GAS2: variants seen among roughly 807,000 people sequenced by gnomAD.
The protein encoded by GAS2 is growth arrest-specific protein 2.
A neutral mutation model predicts 37.5 loss-of-function variants in GAS2; 20 were observed. The observed-to-expected ratio is 0.53, with a 90% CI of 0.37 to 0.77. The LOEUF is 0.77. Ranked by LOEUF, GAS2 falls within the 30% of genes least tolerant of loss-of-function variation. The pLI is 0.00. For missense variants in GAS2, 336 were observed against 373.4 expected (o/e 0.90, Z 0.82); for synonymous variants, 144 against 132.2 (o/e 1.09, Z -0.61).
At chr11:22,703,905 G>C (rs1850971085) in intron 3 of GAS2, among the ~76,000 whole-genome samples, 1 of 152,034 alleles carries the variant, frequency 6.6e-6, no homozygotes, top group South Asian at 2.1e-4. Flanking sequence ...ACCAGTGTAG[G>C]CTGCTTGTCT....
intron 3 of GAS2, among the ~76,000 whole-genome samples, chr11:22,721,056 A>C (rs1036093557): frequency 1.3e-5 from 2 of 152,036 alleles, no homozygotes; most frequent in African/African-American, 4.8e-5. Context: ...AACTGTGCAT[A>C]AGCTCAGTTT....
chr11:22,672,611 A>C (rs1362936090), intron 1 of GAS2: 1 of 152,192 alleles, frequency 6.6e-6, no homozygotes, highest in Non-Finnish European at 1.5e-5. Flanking sequence ...GAACAGCCAC[A>C]TCTCACTTTC....
At chr11:22,628,498 T>C in intron 1 of GAS2, among the ~76,000 whole-genome samples, 1 of 152,358 alleles carries the variant, frequency 6.6e-6, no homozygotes, top group East Asian at 1.9e-4. Flanking sequence ...TACAGTAAAT[T>C]GGGAAAGAAA....
At chr11:22,683,189 A>C (rs1849779371) in intron 2 of GAS2, among the ~76,000 whole-genome samples, 1 of 152,122 alleles carries the variant, frequency 6.6e-6, no homozygotes, top group South Asian at 2.1e-4. Flanking sequence ...TTTTAAGCAG[A>C]TGTTTCTTGA....
intron 1 of GAS2, among the ~76,000 whole-genome samples, chr11:22,645,931 C>T (rs1336542407): frequency 6.6e-6 from 1 of 151,238 alleles, no homozygotes; most frequent in South Asian, 2.1e-4. Flanking sequence ...GCAACCTCCG[C>T]CTCCCAAGTT....
chr11:22,742,559 C>T (rs1853146109), intron 5 of GAS2, among the ~76,000 whole-genome samples: 1 of 152,126 alleles, frequency 6.6e-6, no homozygotes, highest in African/African-American at 2.4e-5. Flanking sequence ...GACTGGCTGA[C>T]TGTACCTTAG....
intron 5 of GAS2, among the ~76,000 whole-genome samples, chr11:22,744,929 G>A (rs1273288166): frequency 1.3e-5 from 2 of 151,780 alleles, no homozygotes; most frequent in South Asian, 2.1e-4. Context: ...AGAAGTGAAA[G>A]ATCTCTACAA....
intron 1 of GAS2, among the ~76,000 whole-genome samples, chr11:22,642,525 C>T (rs1042805333): frequency 5.3e-5 from 8 of 151,962 alleles, no homozygotes; most frequent in Non-Finnish European, 7.4e-5. Context: ...TACTGTCATT[C>T]CTCACACTCT....
chr11:22,682,888 G>GAAAAAAAAAAAAAAAAAAAA (rs57025584), intron 2 of GAS2, among the ~76,000 whole-genome samples: 5 of 102,352 alleles, frequency 4.9e-5, no homozygotes, highest in South Asian at 3.0e-4. Context: ...AAAAAAAAAG[G>GAAAAAAAAAAAAAAAAAAAA]AAAAAAAAAA....
intron 1 of GAS2, among the ~76,000 whole-genome samples, chr11:22,650,140 A>G (rs1317880528): frequency 1.3e-5 from 2 of 151,916 alleles, no homozygotes; most frequent in African/African-American, 4.8e-5. Flanking sequence ...TTGGTTTCAA[A>G]GAACATCTTT....
chr11:22,734,449 A>G (rs188036439), intron 4 of GAS2, among the ~76,000 whole-genome samples: 317 of 151,816 alleles, frequency 2.1e-3, no homozygotes, highest in African/African-American at 6.9e-3. Context: ...TAATAGAACC[A>G]ATCTAAATTA....
chr11:22,752,976 A>G (rs979798784), intron 6 of GAS2, among the ~76,000 whole-genome samples: 2 of 152,136 alleles, frequency 1.3e-5, no homozygotes, highest in African/African-American at 2.4e-5. Flanking sequence ...TTCAGCTGTG[A>G]TAAAACGGTG....
chr11:22,726,294 T>A lies in GAS2; in HGVS notation c.270T>A (p.Asn90Lys), dbSNP rs35691300. The A allele has an allele frequency of 2.5e-6, 4 of 1,594,252 alleles. No homozygotes were observed. Among genetic ancestry groups the A allele is most frequent in the Non-Finnish European group, 3.4e-6 (4 of 1,175,242 alleles). ...GAACGAATTTCTTTATTTTTCAGAA[T>A]CTACCGTTGAAGAAGATCCCATGCA... is the stretch of plus-strand genomic sequence containing the variant. ...ESMDANKPTK[N>K]LPLKKIPCKT... Residue 90 changes from asparagine to lysine, a missense_variant and splice_region_variant, in exon 4 of 8, where the codon AAT becomes AAA. Transcript: ENST00000454584.
intron 1 of GAS2, among the ~76,000 whole-genome samples, chr11:22,635,104 C>T (rs1858803732): frequency 6.6e-6 from 1 of 152,180 alleles, no homozygotes; most frequent in Non-Finnish European, 1.5e-5. Context: ...GGGATTTGTG[C>T]TCCTCTTATG....
intron 1 of GAS2, among the ~76,000 whole-genome samples, chr11:22,628,992 C>T (rs1437315770): frequency 1.8e-5 from 1 of 55,828 alleles, no homozygotes; most frequent in African/African-American, 6.1e-5. Context: ...GAGTAGTATT[C>T]CATGGTATGT....
At chr11:22,709,712 G>C (rs972049582) in intron 3 of GAS2, among the ~76,000 whole-genome samples, 1 of 152,120 alleles carries the variant, frequency 6.6e-6, no homozygotes, top group African/African-American at 2.4e-5. Flanking sequence ...ACATGCACAC[G>C]TATGTTTATC....
At position 22,717,503 on chromosome 11, in the gene GAS2, C is replaced by T. The variant is rs115949732; in HGVS notation, c.268-8789C>T. 3.6e-4 allele frequency among the ~76,000 whole-genome samples: 55 copies of T among 151,000 alleles called. 1 individual carries two copies. The highest frequency in any genetic ancestry group is 1.1e-3 in the African/African-American group (46 of 41,398). On this transcript the variant is annotated intron_variant, in intron 3 of 7. Coordinates refer to ENST00000454584, the MANE Select transcript of GAS2 (RefSeq NM_001143830.3). ...CCTTACATAAAAATCAACTCTAAGA[C>T]GACCTGAAACTGTAAAAATTCTGGA... is the stretch of plus-strand genomic sequence containing the variant.
chr11:22,780,944 G>T (rs1007574006), intron 7 of GAS2, among the ~76,000 whole-genome samples: 14 of 152,096 alleles, frequency 9.2e-5, no homozygotes, highest in African/African-American at 3.4e-4. Flanking sequence ...AGTAAATGTG[G>T]TTCATAAATT....
chr11:22,656,633 A>G (rs536945857), intron 1 of GAS2, among the ~76,000 whole-genome samples: 127 of 152,362 alleles, frequency 8.3e-4, no homozygotes, highest in Non-Finnish European at 1.6e-3. Flanking sequence ...GCATTAACAT[A>G]TAAAAATCAT....
Sources: gnomAD v4.1 joint callset for allele counts (sites outside exome capture counted in the v4.1 genomes callset) on GRCh38, gnomAD v4.1.1 for gene constraint, MANE v1.5 for transcripts, NCBI Gene and HGNC (gene_info 2026-07-23, HGNC 2026-07-21) for gene names.